CLUAP1: variants seen among roughly 807,000 people sequenced by gnomAD.
CLUAP1 encodes intraflagellar transport 38, also known as clusterin-associated protein 1.
In CLUAP1, 50 loss-of-function variants were observed where a neutral mutation model predicts 55.0. That is an observed-to-expected ratio of 0.91 (90% CI 0.72 to 1.15). The LOEUF is 1.15. Among genes scored for constraint, CLUAP1 ranks in the 50% most tolerant of loss-of-function variants. CLUAP1 has a pLI of 0.00. For synonymous variants in CLUAP1, 195 were observed against 175.4 expected (o/e 1.11, Z -0.88); for missense variants, 530 against 507.6 (o/e 1.04, Z -0.42).
At chr16:3,503,194 C>T (rs887164725) in intron 1 of CLUAP1, among the ~76,000 whole-genome samples, 7 of 151,520 alleles carry the variant, frequency 4.6e-5, no homozygotes, top group South Asian at 2.1e-4. Flanking sequence ...GATGGAGTCT[C>T]GCTCTGTCAC....
At chr16:3,498,963 G>A (rs953294745), upstream of CLUAP1, among the ~76,000 whole-genome samples, 1 of 152,156 alleles carries the variant, frequency 6.6e-6, no homozygotes, top group Non-Finnish European at 1.5e-5. Flanking sequence ...TCTGATAAGG[G>A]TCTCATAGGC....
chr16:3,529,581 A>AATGTTAT (rs1555495580), intron 9 of CLUAP1, among the ~76,000 whole-genome samples: 1 of 36,898 alleles, frequency 2.7e-5, no homozygotes, highest in Non-Finnish European at 4.3e-5. Flanking sequence ...TATATTATAT[A>AATGTTAT]ATATTATATA....
At chr16:3,495,628 G>T in the CLUAP1 span, 1 of 1,108,190 alleles carries the variant, frequency 9.0e-7, no homozygotes, top group South Asian at 1.6e-5. Flanking sequence ...CATGGGAAGG[G>T]GCCAGAACCC....
intron 3 of CLUAP1, among the ~76,000 whole-genome samples, chr16:3,507,624 C>G (rs1188617133): frequency 6.6e-6 from 1 of 151,060 alleles, no homozygotes. Context: ...TTTACCCTAT[C>G]TGCCCTGGGC....
chr16:3,524,926 A>G (rs2037912661), intron 8 of CLUAP1, among the ~76,000 whole-genome samples: 1 of 152,214 alleles, frequency 6.6e-6, no homozygotes, highest in Non-Finnish European at 1.5e-5. Context: ...CTCCATTTTC[A>G]TGATGAAATT....
chr16:3,530,448 A>G (rs981171161), intron 9 of CLUAP1, 120 bp from the exon 10 acceptor site: 1 of 707,724 alleles, frequency 1.4e-6, no homozygotes. Context: ...TAATGTCTTA[A>G]TTTCCTGGAT....
chr16:3,515,306 C>T (rs759607755), intron 5 of CLUAP1: 68 of 438,446 alleles, frequency 1.6e-4, no homozygotes, highest in Non-Finnish European at 1.9e-4. Context: ...AAAGGAGGAC[C>T]TTGAGCTCTG....
In CLUAP1 at chr16:3,515,527, T is replaced by C; in HGVS notation, c.515T>C (p.Ile172Thr). The C allele has an allele frequency of 6.3e-7, 1 of 1,597,872 alleles. No individual in the cohort carries two copies. Among genetic ancestry groups the C allele is most frequent in the Non-Finnish European group, 8.5e-7 (1 of 1,175,178 alleles). The change falls in exon 6 of 12, where the codon ATT becomes ACT. Residue 172 changes from isoleucine to threonine, a missense_variant. Transcript: ENST00000576634. Reference protein sequence around the residue: ...VELREMRTEAIARPLEINETE... With the variant: ...VELREMRTEATARPLEINETE... ...TCCTAGGAAATGAGAACAGAAGCCA[T>C]TGCCAGACCTCTGGAAATAAACGAG...
Position 3,517,134 on chromosome 16 carries a change from T to C in CLUAP1, c.579+1543T>C, listed in dbSNP as rs543533204. On this transcript the variant is annotated intron_variant, in intron 6 of 11. Transcript: ENST00000576634. ...CACAAAGTACTTTTTTTTTCTTTTT[T>C]TTTTTTTTGAGACGGAGTCTTGCTC... 2.0e-3 allele frequency among the ~76,000 whole-genome samples: 308 copies of C among 151,464 alleles called. 4 individuals are homozygous for C. The highest frequency in any genetic ancestry group is 6.7e-3 in the African/African-American group (277 of 41,354).
At chr16:3,496,470 G>T, upstream of CLUAP1, 1 of 826,078 alleles carries the variant, frequency 1.2e-6, no homozygotes, top group South Asian at 1.3e-5. Flanking sequence ...CTTAACGGAT[G>T]ACGCGAGGGT....
intron 9 of CLUAP1, among the ~76,000 whole-genome samples, chr16:3,527,801 C>G (rs1392613848): frequency 1.3e-5 from 2 of 152,112 alleles, no homozygotes; most frequent in African/African-American, 4.8e-5. Flanking sequence ...GTCTCTCTCT[C>G]CTCTCTGTCT....
chr16:3,522,435 A>ATGTAAG (rs2037856666), intron 7 of CLUAP1, among the ~76,000 whole-genome samples: 1 of 152,164 alleles, frequency 6.6e-6, no homozygotes, highest in Non-Finnish European at 1.5e-5. Context: ...AAGTGCTGGG[A>ATGTAAG]TTACAGGCGT....
chr16:3,514,544 C>A (rs757570405), intron 5 of CLUAP1, among the ~76,000 whole-genome samples: 2 of 152,160 alleles, frequency 1.3e-5, no homozygotes, highest in Non-Finnish European at 2.9e-5. Flanking sequence ...GCTTCAGGAA[C>A]CTTGTCTTAC....
intron 3 of CLUAP1, among the ~76,000 whole-genome samples, chr16:3,507,759 G>A (rs900566681): frequency 6.7e-6 from 1 of 149,066 alleles, no homozygotes; most frequent in African/African-American, 2.5e-5. Context: ...TACACAAATG[G>A]TACTGTATTC....
rs2038265175 is a variant in CLUAP1 at position 3,537,940 on chromosome 16, A to C, written c.*1669A>C. 1 of 139,680 alleles carries C rather than the reference A, an allele frequency of 7.2e-6. No individual in the cohort carries two copies. The highest frequency in any genetic ancestry group is 1.5e-5 in the Non-Finnish European group (1 of 65,892). The allele number at this position is 139,680 out of a possible 1,614,324, so 8.7% of individuals were successfully genotyped here. ...CTTGAACCTAGGAGGCGGAGGTTGC[A>C]GTGAGCCGAGATGGCGCCACTGCAC... On this transcript the variant is annotated 3_prime_UTR_variant, in exon 12 of 12. Transcript: ENST00000576634.
chr16:3,504,739 A>T lies in CLUAP1; in HGVS notation c.42A>T (p.Arg14Ser). 6.2e-7 allele frequency: 1 copy of T among 1,608,056 alleles called. No homozygotes were observed. Among genetic ancestry groups the T allele is most frequent in the Non-Finnish European group, 8.5e-7 (1 of 1,174,398 alleles). Residue 14 changes from arginine (R) to serine (S), a missense_variant, in exon 2 of 12, where the codon AGA becomes AGT. Arg to Ser is a moderately radical substitution (Grantham distance 110). Coordinates refer to ENST00000576634, the MANE Select transcript of CLUAP1 (RefSeq NM_015041.3). ...RDLRNFTEMM[R>S]ALGYPRHISM... is the part of the protein sequence containing the mutation. ...GGACAGATTTCACAGAGATGATGAG[A>T]GCCCTGGGATACCCTCGACATATTT...
At chr16:3,529,625 A>G (rs1305708685) in intron 9 of CLUAP1, among the ~76,000 whole-genome samples, 1 of 18,308 alleles carries the variant, frequency 5.5e-5, no homozygotes, top group Admixed American at 1.1e-3. Flanking sequence ...AATATTATAT[A>G]TTATATATTA....
At chr16:3,515,374 G>T (rs558142046) in intron 5 of CLUAP1, 134 bp from the exon 6 acceptor site, 1 of 617,252 alleles carries the variant, frequency 1.6e-6, no homozygotes, top group African/African-American at 1.9e-5. Context: ...GATGGTGGCA[G>T]TGTTTTTGCA....
intron 6 of CLUAP1, among the ~76,000 whole-genome samples, chr16:3,517,890 G>A (rs2037760107): frequency 6.6e-6 from 1 of 152,144 alleles, no homozygotes; most frequent in Admixed American, 6.5e-5. Flanking sequence ...AGCTGAGGGG[G>A]CATTTCAGAC....
Sources: allele counts gnomAD v4.1 joint callset (sites outside exome capture counted in the v4.1 genomes callset), GRCh38; gene constraint gnomAD v4.1.1; transcripts MANE v1.5; gene names NCBI Gene and HGNC (gene_info 2026-07-23, HGNC 2026-07-21).